The following BCL2 variants were observed in gnomAD, a reference collection of about 807,000 sequenced individuals.
BCL2 encodes BCL2 apoptosis regulator.
In BCL2, 1 loss-of-function variant was observed where a neutral mutation model predicts 14.2. The observed-to-expected ratio is 0.07, with a 90% confidence interval of 0.02 to 0.33. BCL2 has a LOEUF of 0.33. BCL2 is among the 10% of genes least tolerant of loss of function. BCL2 has a pLI of 0.99. For synonymous variants in BCL2, 151 were observed against 137.2 expected (o/e 1.10, Z -0.70); for missense variants, 247 against 305.9 (o/e 0.81, Z 1.44).
At chr18:63,238,773 G>A (rs575004664) in intron 2 of BCL2, among the ~76,000 whole-genome samples, 2 of 152,264 alleles carry the variant, frequency 1.3e-5, no homozygotes, top group East Asian at 1.9e-4. Context: ...TTCTTCCTAC[G>A]CAGAGGGCTG....
In BCL2 at chr18:63,262,372, G is replaced by A. The variant is rs535805956; in HGVS notation, c.585+55710C>T. Among the ~76,000 whole-genome samples, 84 of 152,310 alleles carry A rather than the reference G, an allele frequency of 5.5e-4. 1 individual carries two copies. The highest frequency in any genetic ancestry group is 5.4e-3 in the South Asian group (26 of 4,834). ...GATCATCTCCTTGAAATGTGCAAAC[G>A]TGTGTGGTAAAAGTAAAGAATCGGA... is the stretch of plus-strand genomic sequence containing the variant. On this transcript the variant is annotated intron_variant, in intron 2 of 2. Transcript: ENST00000333681.
chr18:63,182,117 C>T (rs934450288), intron 2 of BCL2, among the ~76,000 whole-genome samples: 1 of 152,230 alleles, frequency 6.6e-6, no homozygotes, highest in African/African-American at 2.4e-5. Flanking sequence ...CTCAATCTTG[C>T]AAACACAGTG....
intron 1 of BCL2, 64 bp from the exon 2 acceptor site, chr18:63,319,016 T>C: frequency 1.7e-6 from 2 of 1,169,478 alleles, no homozygotes; most frequent in Non-Finnish European, 1.1e-6. Flanking sequence ...CTGTACACAC[T>C]GAGTGAAAGC....
At chr18:63,261,669 G>A (rs1911662536) in intron 2 of BCL2, among the ~76,000 whole-genome samples, 1 of 151,992 alleles carries the variant, frequency 6.6e-6, no homozygotes, top group East Asian at 1.9e-4. Flanking sequence ...AAGGAATGTG[G>A]TTATACATTT....
chr18:63,223,202 C>G (rs573833764), intron 2 of BCL2, among the ~76,000 whole-genome samples: 7 of 152,118 alleles, frequency 4.6e-5, no homozygotes, highest in African/African-American at 1.7e-4. Context: ...GAGATTGAGA[C>G]CATCCTGGCT....
chr18:63,232,116 G>C (rs1281200875), intron 2 of BCL2, among the ~76,000 whole-genome samples: 1 of 151,772 alleles, frequency 6.6e-6, no homozygotes, highest in Non-Finnish European at 1.5e-5. Flanking sequence ...TACCCATATG[G>C]AGAAAAAAAA....
chr18:63,154,081 A>T (rs551566149), intron 2 of BCL2, among the ~76,000 whole-genome samples: 4 of 152,284 alleles, frequency 2.6e-5, no homozygotes, highest in Admixed American at 2.6e-4. Flanking sequence ...GCACAAAGGG[A>T]ACTGATTACA....
intron 2 of BCL2, among the ~76,000 whole-genome samples, chr18:63,141,990 T>C (rs571742831): frequency 1.6e-3 from 241 of 152,368 alleles, no homozygotes; most frequent in African/African-American, 5.5e-3. Context: ...TGAAAGCAGA[T>C]GCTTGTTAAG....
intron 2 of BCL2, among the ~76,000 whole-genome samples, chr18:63,215,528 A>G (rs1286937737): frequency 6.6e-6 from 1 of 152,250 alleles, no homozygotes; most frequent in East Asian, 1.9e-4. Flanking sequence ...ATCACAACAT[A>G]TATTTGTGAC....
intron 2 of BCL2, among the ~76,000 whole-genome samples, chr18:63,242,982 G>T (rs564059898): frequency 6.6e-6 from 1 of 152,112 alleles, no homozygotes; most frequent in East Asian, 1.9e-4. Context: ...CCTCAGTTAC[G>T]GTCGTCTTCA....
rs145547473 is a variant in BCL2, at chr18:63,308,753, GAC to G, written c.585+9327_585+9328del. Among the ~76,000 whole-genome samples the G allele has an allele frequency of 1.1e-3, 167 of 149,546 alleles. 2 individuals carry two copies. Among genetic ancestry groups the G allele is most frequent in the Non-Finnish European group, 2.1e-3 (144 of 67,118 alleles). ...TGAACCTGTAGGATGGGACATTTCA[GAC>G]ACACACACACACACACACAAACACA... On this transcript the variant is annotated intron_variant, in intron 2 of 2. Coordinates refer to ENST00000333681, the MANE Select transcript of BCL2 (RefSeq NM_000633.3).
chr18:63,232,067 A>G (rs1360527301), intron 2 of BCL2, among the ~76,000 whole-genome samples: 1 of 152,014 alleles, frequency 6.6e-6, no homozygotes, highest in Non-Finnish European at 1.5e-5. Context: ...CTATGGGGAA[A>G]ACAAAAACTA....
chr18:63,202,277 C>A (rs1599241858), intron 2 of BCL2, among the ~76,000 whole-genome samples: 1 of 152,274 alleles, frequency 6.6e-6, no homozygotes, highest in East Asian at 1.9e-4. Flanking sequence ...CCACTGCACT[C>A]CAGCCTGGGC....
intron 2 of BCL2, among the ~76,000 whole-genome samples, chr18:63,233,962 T>C (rs1228549398): frequency 1.3e-5 from 2 of 152,208 alleles, no homozygotes; most frequent in Non-Finnish European, 2.9e-5. Flanking sequence ...TGCTATATTA[T>C]TCTCTGTAAA....
chr18:63,198,840 C>T (rs1183079519), intron 2 of BCL2, among the ~76,000 whole-genome samples: 8 of 151,058 alleles, frequency 5.3e-5, no homozygotes, highest in South Asian at 2.1e-4. Context: ...TACACAGACA[C>T]ACATAGACAC....
At chr18:63,186,899 T>C (rs1457063859) in intron 2 of BCL2, among the ~76,000 whole-genome samples, 1 of 152,254 alleles carries the variant, frequency 6.6e-6, no homozygotes, top group African/African-American at 2.4e-5. Context: ...TGTCATTTGA[T>C]GTTTTTGTCC....
intron 2 of BCL2, among the ~76,000 whole-genome samples, chr18:63,257,576 T>C (rs1006067729): frequency 6.6e-6 from 1 of 152,240 alleles, no homozygotes; most frequent in African/African-American, 2.4e-5. Context: ...CAAATATCCA[T>C]TCTTCGTCTG....
chr18:63,127,434 C>G lies in BCL2; in HGVS notation c.*1191G>C, dbSNP rs1439295069. On this transcript the variant is annotated 3_prime_UTR_variant, in exon 3 of 3. Transcript: ENST00000333681. ...CTTAAGAAGGGTCGTGGCTCCCATG[C>G]TCCACGTGAAAACGGGCCTACCTGG... 8 of 235,732 alleles carry G rather than the reference C, an allele frequency of 3.4e-5. No individual in the cohort carries two copies. Among genetic ancestry groups the G allele is most frequent in the Non-Finnish European group, 5.9e-5 (7 of 119,630 alleles). 14.6% of individuals were successfully genotyped at this position (235,732 alleles called of 1,614,324 possible).
intron 2 of BCL2, among the ~76,000 whole-genome samples, chr18:63,164,409 T>C (rs1329425329): frequency 1.3e-5 from 2 of 152,172 alleles, no homozygotes; most frequent in African/African-American, 4.8e-5. Flanking sequence ...GAACTCCAGA[T>C]TAGGTACAAG....
Sources: gnomAD v4.1 joint callset for allele counts (sites outside exome capture counted in the v4.1 genomes callset) on GRCh38, gnomAD v4.1.1 for gene constraint, MANE v1.5 for transcripts, NCBI Gene and HGNC (gene_info 2026-07-23, HGNC 2026-07-21) for gene names.